Variants in LAMA1 observed in about 807,000 individuals in gnomAD.
The protein encoded by LAMA1 is laminin subunit alpha 1.
LAMA1 carries 219 observed loss-of-function variants against 348.7 expected under a neutral mutation model. The observed-to-expected ratio is 0.63, with a 90% CI of 0.56 to 0.70. The LOEUF (loss-of-function observed/expected upper bound fraction) is 0.70. Ranked by LOEUF, LAMA1 falls within the 30% of genes least tolerant of loss-of-function variation. The pLI, the probability that LAMA1 is intolerant of heterozygous loss-of-function variation, is 0.00. For missense variants in LAMA1, 3,744 were observed against 3,888.0 expected (o/e 0.96, Z 0.99); for synonymous variants, 1,487 against 1,491.0 (o/e 1.00, Z 0.06).
At chr18:7,077,388 G>A (rs1319717989) in intron 3 of LAMA1, among the ~76,000 whole-genome samples, 2 of 151,830 alleles carry the variant, frequency 1.3e-5, no homozygotes, top group Non-Finnish European at 2.9e-5. Context: ...ATCTTTTTTA[G>A]TAGAGACGGG....
At chr18:7,006,848 T>C (rs1361325182) in intron 29 of LAMA1, among the ~76,000 whole-genome samples, 2 of 152,196 alleles carry the variant, frequency 1.3e-5, no homozygotes, top group Non-Finnish European at 2.9e-5. Context: ...CACTGTCCTA[T>C]ATGTGATCTG....
chr18:7,077,199 C>CTTT (rs71165719), intron 3 of LAMA1, among the ~76,000 whole-genome samples: 20 of 119,758 alleles, frequency 1.7e-4, no homozygotes, highest in South Asian at 2.8e-4. Context: ...CTGTTCTTTT[C>CTTT]TTTTTTTTTT....
chr18:6,972,096 G>A (rs1476732517), intron 47 of LAMA1, 115 bp from the exon 48 acceptor site: 11 of 1,272,638 alleles, frequency 8.6e-6, no homozygotes, highest in Non-Finnish European at 1.0e-5. Flanking sequence ...TCCAAATTTT[G>A]AGAGAGCCAC....
At chr18:7,036,126 G>A (rs763751622) in intron 12 of LAMA1, 38 bp from the exon 13 acceptor site, 1 of 1,398,424 alleles carries the variant, frequency 7.2e-7, no homozygotes, top group African/African-American at 1.4e-5. Flanking sequence ...GAAAGGGGAA[G>A]ACAATCACAG....
At chr18:7,095,158 C>CTCTCTCT in intron 1 of LAMA1, among the ~76,000 whole-genome samples, 1 of 138,028 alleles carries the variant, frequency 7.2e-6, no homozygotes, top group African/African-American at 2.8e-5. Context: ...CTCTCTCTCT[C>CTCTCTCT]CTCTGCTGTC....
chr18:7,057,772 T>A (rs2058087862), intron 3 of LAMA1, among the ~76,000 whole-genome samples: 1 of 150,188 alleles, frequency 6.7e-6, no homozygotes, highest in South Asian at 2.1e-4. Flanking sequence ...AACCACCGCA[T>A]CCAGCCCAAA....
chr18:7,076,596 C>T (rs1453880163), intron 3 of LAMA1, among the ~76,000 whole-genome samples: 1 of 149,674 alleles, frequency 6.7e-6, no homozygotes, highest in East Asian at 1.9e-4. Context: ...AAGGACAATT[C>T]AGATGAGAAG....
chr18:7,009,184 TCA>T (rs2057847212), intron 27 of LAMA1, 53 bp downstream of exon 27: 2 of 1,606,468 alleles, frequency 1.2e-6, no homozygotes, highest in Non-Finnish European at 1.7e-6. Context: ...TCAAATTCTT[TCA>T]GTTTGCTTTC....
rs186069719 is a variant in LAMA1, at chr18:7,107,946, A to T, written c.61+9714T>A. On this transcript the variant is annotated intron_variant, in intron 1 of 62. Transcript: ENST00000389658. Reference sequence around the variant, plus strand: ...GGAGAATGGCGTGAATCTGGGAGGCAGAGCTTGCAGTGAGCCAAGATCGCG... The same window carrying T: ...GGAGAATGGCGTGAATCTGGGAGGCTGAGCTTGCAGTGAGCCAAGATCGCG... Among the ~76,000 whole-genome samples the T allele has an allele frequency of 3.8e-4, 58 of 152,048 alleles. No homozygotes were observed. In the East Asian group the frequency reaches 0.01, roughly 27 times the overall value.
rs1290763462 is a variant in LAMA1, at chr18:7,036,140, C to T, written c.1738-52G>A. The T allele has an allele frequency of 6.9e-6, 9 of 1,298,906 alleles. No homozygotes were observed. The South Asian group carries it at 9.5e-5, about 14-fold the overall frequency. 80.5% of individuals were successfully genotyped at this position (1,298,906 alleles called of 1,614,324 possible). On this transcript the variant is annotated intron_variant, in intron 12 of 62. Transcript: ENST00000389658. ...CGAAAGGGGAAGACAATCACAGCAA[C>T]AATCAAGTAAGAGGAAGTGGTCACT...
intron 3 of LAMA1, among the ~76,000 whole-genome samples, chr18:7,066,151 TA>T (rs2058122091): frequency 6.6e-6 from 1 of 152,218 alleles, no homozygotes; most frequent in African/African-American, 2.4e-5. Context: ...TAGAGAACTT[TA>T]AAACTACATT....
intron 3 of LAMA1, among the ~76,000 whole-genome samples, chr18:7,054,935 T>C (rs139102800): frequency 6.6e-6 from 1 of 152,286 alleles, no homozygotes; most frequent in African/African-American, 2.4e-5. Flanking sequence ...ATATAATACA[T>C]AATACAATAC....
chr18:7,040,029 G>T, intron 10 of LAMA1, 47 bp downstream of exon 10: 1 of 1,606,952 alleles, frequency 6.2e-7, no homozygotes, highest in African/African-American at 1.3e-5. Context: ...TCCTTTTCCA[G>T]AGAAGCTCAA....
intron 60 of LAMA1, among the ~76,000 whole-genome samples, chr18:6,947,894 G>A (rs2057529366): frequency 6.6e-6 from 1 of 152,176 alleles, no homozygotes; most frequent in Middle Eastern, 3.2e-3. Flanking sequence ...AGAGCTGGGG[G>A]GTGCAAGGGG....
Position 6,983,101 on chromosome 18 carries a change from G to A in LAMA1, c.5794C>T (p.Leu1932=). The A allele has an allele frequency of 6.2e-7, 1 of 1,614,108 alleles. No individual in the cohort carries two copies. Among genetic ancestry groups the A allele is most frequent in the Non-Finnish European group, 8.5e-7 (1 of 1,180,024 alleles). Residue 1932 remains leucine (L), a splice_region_variant and synonymous_variant, in exon 40 of 63, where the codon CTG becomes TTG. Coordinates refer to ENST00000389658, the MANE Select transcript of LAMA1 (RefSeq NM_005559.4). ...DAHRTVTETS[L]LSESLVSNGK... is the part of the protein sequence containing the mutation. ...AAAGAAGCCACGTCGTTTCCTACCA[G>A]GCTCGTCTCAGTCACAGTCCTGTGA...
chr18:7,002,060 T>C (rs2057809926), intron 30 of LAMA1, among the ~76,000 whole-genome samples: 1 of 152,214 alleles, frequency 6.6e-6, no homozygotes, highest in Non-Finnish European at 1.5e-5. Context: ...CATCCAAACA[T>C]CCAATACCAA....
rs1457564864 is a variant in LAMA1 at position 7,033,073 on chromosome 18, T to C, written c.2074A>G (p.Ile692Val). ...AGGTCGATGGCATTAGAGCTGGCTA[T>C]GTCCAGAGAGACGGACTCCAACCTA... is the stretch of plus-strand genomic sequence containing the variant. ...LYRLESVSLD[I>V]ASSNAIDLVV... Residue 692 changes from isoleucine to valine, a missense_variant, in exon 15 of 63, where the codon ATA (isoleucine) becomes GTA (valine). Coordinates refer to ENST00000389658, the MANE Select transcript of LAMA1 (RefSeq NM_005559.4). 1.9e-6 allele frequency: 3 copies of C among 1,611,622 alleles called. No homozygotes were observed. The highest frequency in any genetic ancestry group is 2.7e-5 in the African/African-American group (2 of 74,810).
rs1024621783 is a variant in LAMA1 at position 7,006,006 on chromosome 18, G to A, written c.4260+1133C>T. On this transcript the variant is annotated intron_variant, in intron 29 of 62. Coordinates refer to ENST00000389658, the MANE Select transcript of LAMA1 (RefSeq NM_005559.4). ...CCACACCCAGGATCTCCGAGGCTTCGGGTGTGTCCTTGGTGGGCAGCTCAT... is the reference window on the plus strand; with the variant it reads ...CCACACCCAGGATCTCCGAGGCTTCAGGTGTGTCCTTGGTGGGCAGCTCAT... 5.3e-5 allele frequency among the ~76,000 whole-genome samples: 8 copies of A among 152,118 alleles called. No homozygotes were observed. In the South Asian group the frequency reaches 6.2e-4, roughly 12 times the overall value.
intron 1 of LAMA1, among the ~76,000 whole-genome samples, chr18:7,080,881 T>C (rs1356598589): frequency 6.6e-6 from 1 of 152,134 alleles, no homozygotes; most frequent in Non-Finnish European, 1.5e-5. Flanking sequence ...GAATCATAAA[T>C]ACCAATGTAC....
Sources: gnomAD v4.1 joint callset for allele counts (sites outside exome capture counted in the v4.1 genomes callset) on GRCh38, gnomAD v4.1.1 for gene constraint, MANE v1.5 for transcripts, NCBI Gene and HGNC (gene_info 2026-07-23, HGNC 2026-07-21) for gene names.